The following SGCZ variants were observed in gnomAD, a reference collection of about 807,000 sequenced individuals.
SGCZ encodes sarcoglycan zeta.
SGCZ carries 40 observed loss-of-function variants against 41.3 expected under a neutral mutation model. The ratio of observed to expected loss-of-function variants is 0.97; its 90% CI spans 0.75 to 1.26. The LOEUF is 1.26. Among genes scored for constraint, SGCZ ranks in the 50% most tolerant of loss-of-function variants. SGCZ has a pLI of 0.00. For missense variants in SGCZ, 552 were observed against 369.8 expected (o/e 1.49, Z -4.04); for synonymous variants, 206 against 137.5 (o/e 1.50, Z -3.49).
Position 14,944,942 on chromosome 8 carries a change from T to C in SGCZ, c.39+292643A>G, listed in dbSNP as rs114540006. ...GAAAATCAAAGCACGAGCTATGCTG[T>C]TCACAGTTCCTTTTAGGCAACCTGC... On this transcript the variant is annotated intron_variant, in intron 1 of 7. Coordinates refer to ENST00000382080, the MANE Select transcript of SGCZ (RefSeq NM_139167.4). 9.4e-3 allele frequency among the ~76,000 whole-genome samples: 1,426 copies of C among 152,236 alleles called. 21 individuals are homozygous for C. The highest frequency in any genetic ancestry group is 0.032 in the African/African-American group (1,325 of 41,526).
chr8:14,655,870 C>G lies in SGCZ; in HGVS notation c.40-100944G>C, dbSNP rs73523540. On this transcript the variant is annotated intron_variant, in intron 1 of 7. Coordinates refer to ENST00000382080, the MANE Select transcript of SGCZ (RefSeq NM_139167.4). ...ATAATTGGAACCACATACTATGCAA[C>G]CTTTTGTGGTTGCCTTTTTTACTCA... Among the ~76,000 whole-genome samples the G allele has an allele frequency of 8.4e-3, 1,281 of 152,088 alleles. 13 individuals are homozygous for G. The highest frequency in any genetic ancestry group is 0.029 in the African/African-American group (1,219 of 41,464).
intron 2 of SGCZ, among the ~76,000 whole-genome samples, chr8:14,460,128 C>G (rs1204567921): frequency 6.6e-6 from 1 of 152,174 alleles, no homozygotes; most frequent in Non-Finnish European, 1.5e-5. Flanking sequence ...CCATTAGGAG[C>G]AGCTAGGTGA....
chr8:15,233,697 A>C (rs527697872), intron 1 of SGCZ, among the ~76,000 whole-genome samples: 60 of 151,994 alleles, frequency 3.9e-4, no homozygotes, highest in African/African-American at 1.4e-3. Flanking sequence ...AAGTTGTTTT[A>C]TGTGTCTCAA....
chr8:15,182,889 TTTTC>T (rs1214427131), intron 1 of SGCZ, among the ~76,000 whole-genome samples: 14 of 152,220 alleles, frequency 9.2e-5, no homozygotes, highest in African/African-American at 3.1e-4. Flanking sequence ...TACAAAAATA[TTTTC>T]TTTCTTTATA....
chr8:14,269,143 G>A (rs1352210675), intron 3 of SGCZ, among the ~76,000 whole-genome samples: 3 of 151,830 alleles, frequency 2.0e-5, no homozygotes, highest in Non-Finnish European at 4.4e-5. Context: ...TCATAAATTT[G>A]GGAATTAGTC....
chr8:14,206,301 A>C (rs1472282295), intron 4 of SGCZ, among the ~76,000 whole-genome samples: 6 of 152,178 alleles, frequency 3.9e-5, no homozygotes, highest in Non-Finnish European at 8.8e-5. Flanking sequence ...TGTAAAGATA[A>C]CATACGTTTT....
At chr8:14,278,394 G>T (rs1800307515) in intron 3 of SGCZ, among the ~76,000 whole-genome samples, 2 of 152,162 alleles carry the variant, frequency 1.3e-5, no homozygotes, top group South Asian at 4.1e-4. Context: ...ACATCCATGT[G>T]TTCTGCTTCT....
rs544712729 is a variant in SGCZ at position 14,170,730 on chromosome 8, G to T, written c.425-6028C>A. ...CTAGAACAAAGTTGACGGGTGAGAC[G>T]TTATTTTGTAAATATTTTTTACACC... On this transcript the variant is annotated intron_variant, in intron 4 of 7. Coordinates refer to ENST00000382080, the MANE Select transcript of SGCZ (RefSeq NM_139167.4). Among the ~76,000 whole-genome samples the T allele has an allele frequency of 8.0e-4, 121 of 152,010 alleles. 1 individual carries two copies. The highest frequency in any genetic ancestry group is 2.0e-3 in the Admixed American group (31 of 15,270).
intron 3 of SGCZ, among the ~76,000 whole-genome samples, chr8:14,306,716 G>C (rs975914809): frequency 6.6e-6 from 1 of 152,132 alleles, no homozygotes; most frequent in Non-Finnish European, 1.5e-5. Context: ...TTGTAAATTT[G>C]CATGCATTTG....
intron 1 of SGCZ, among the ~76,000 whole-genome samples, chr8:14,919,189 C>T (rs888653400): frequency 6.6e-6 from 1 of 151,998 alleles, no homozygotes; most frequent in Non-Finnish European, 1.5e-5. Context: ...CTGTAACCCC[C>T]GCACTTTGGG....
chr8:14,323,066 C>T (rs1010416171), intron 3 of SGCZ, among the ~76,000 whole-genome samples: 1 of 151,962 alleles, frequency 6.6e-6, no homozygotes, highest in Admixed American at 6.6e-5. Flanking sequence ...AATAAAATTT[C>T]TAGTACCAGA....
At chr8:14,682,425 C>T (rs1425699367) in intron 1 of SGCZ, among the ~76,000 whole-genome samples, 1 of 137,166 alleles carries the variant, frequency 7.3e-6, no homozygotes, top group African/African-American at 2.8e-5. Context: ...TATAATGCAC[C>T]CTGCAATGCA....
At chr8:14,737,838 T>A (rs762842863) in intron 1 of SGCZ, among the ~76,000 whole-genome samples, 6 of 152,162 alleles carry the variant, frequency 3.9e-5, no homozygotes, top group Admixed American at 6.6e-5. Context: ...CACTATGAGT[T>A]AGGATAACAA....
rs1209196027 is a variant in SGCZ at position 15,217,008 on chromosome 8, T to A, written c.39+20577A>T. On this transcript the variant is annotated intron_variant, in intron 1 of 7. Coordinates refer to ENST00000382080, the MANE Select transcript of SGCZ (RefSeq NM_139167.4). ...CTTTCAGGGGAATGGATAGATGCTC[T>A]TGACTTTTCAGGTATCATGTCCTGC... 3.5e-4 allele frequency among the ~76,000 whole-genome samples: 54 copies of A among 152,154 alleles called. 1 individual carries two copies. Among genetic ancestry groups the A allele is most frequent in the Admixed American group, 3.5e-3 (54 of 15,284 alleles).
chr8:15,226,856 G>A (rs1247342480), intron 1 of SGCZ, among the ~76,000 whole-genome samples: 1 of 152,146 alleles, frequency 6.6e-6, no homozygotes, highest in East Asian at 1.9e-4. Flanking sequence ...ACAGTGTGAT[G>A]GTCTTAATGA....
chr8:14,888,380 C>T (rs1489799693), intron 1 of SGCZ, among the ~76,000 whole-genome samples: 2 of 152,044 alleles, frequency 1.3e-5, no homozygotes, highest in African/African-American at 4.8e-5. Context: ...AGAAGCTTTG[C>T]CATCTTTTAA....
chr8:15,044,337 C>T (rs569952636), intron 1 of SGCZ, among the ~76,000 whole-genome samples: 34 of 152,228 alleles, frequency 2.2e-4, no homozygotes, highest in African/African-American at 7.9e-4. Flanking sequence ...GAAAAATTCA[C>T]TTTACATTTG....
At chr8:14,823,055 T>TAAAACAAAAAAAAAAAAA (rs1802167333) in intron 1 of SGCZ, among the ~76,000 whole-genome samples, 1 of 75,488 alleles carries the variant, frequency 1.3e-5, no homozygotes, top group Non-Finnish European at 2.6e-5. Flanking sequence ...CCAATCCTCA[T>TAAAACAAAAAAAAAAAAA]AAAAAAAAAA....
At chr8:14,166,111 T>C (rs1585194720) in intron 4 of SGCZ, among the ~76,000 whole-genome samples, 2 of 152,260 alleles carry the variant, frequency 1.3e-5, no homozygotes, top group East Asian at 3.9e-4. Flanking sequence ...ACATAAAAAT[T>C]TGAAAAGCTT....
Sources: allele counts gnomAD v4.1 joint callset (sites outside exome capture counted in the v4.1 genomes callset), GRCh38; gene constraint gnomAD v4.1.1; transcripts MANE v1.5; gene names NCBI Gene and HGNC (gene_info 2026-07-23, HGNC 2026-07-21).